Variants in ZFAND6 observed in about 807,000 individuals in gnomAD.
The protein encoded by ZFAND6 is AN1-type zinc finger protein 6.
Under a neutral mutation model 24.5 loss-of-function variants are expected in ZFAND6, and 12 were observed. That is an observed-to-expected ratio of 0.49 (90% CI 0.31 to 0.79). ZFAND6 has a LOEUF of 0.79. Ranked by LOEUF, ZFAND6 falls within the 30% of genes least tolerant of loss-of-function variation. ZFAND6 has a pLI of 0.04. For synonymous variants in ZFAND6, 92 were observed against 81.5 expected (o/e 1.13, Z -0.69); for missense variants, 207 against 245.9 (o/e 0.84, Z 1.06).
intron 6 of ZFAND6, among the ~76,000 whole-genome samples, chr15:80,134,853 GTC>G (rs1489495178): frequency 2.6e-5 from 4 of 152,210 alleles, no homozygotes; most frequent in African/African-American, 9.6e-5. Context: ...GACAGAAGGG[GTC>G]TGATTATTCA....
intron 1 of ZFAND6, among the ~76,000 whole-genome samples, chr15:80,065,555 T>C (rs2036584449): frequency 7.0e-6 from 1 of 142,768 alleles, no homozygotes; most frequent in Non-Finnish European, 1.5e-5. Context: ...TTTTTTTTTT[T>C]TTTTTTTGGA....
chr15:80,124,161 C>A (rs141041795), intron 5 of ZFAND6, among the ~76,000 whole-genome samples: 1 of 152,172 alleles, frequency 6.6e-6, no homozygotes, highest in African/African-American at 2.4e-5. Context: ...AGACTGGGCG[C>A]GGTGGCTCAC....
rs1464464717 is a variant in ZFAND6 at position 80,138,337 on chromosome 15, A to G, written c.*709A>G. ...GATCTGAAGTAATTGTGCTGTATTT[A>G]TGTTTATTCACCAGTCTTTGATTAA... On this transcript the variant is annotated 3_prime_UTR_variant, in exon 7 of 7. Coordinates refer to ENST00000261749, the MANE Select transcript of ZFAND6 (RefSeq NM_019006.4). 2 of 152,614 alleles carry G rather than the reference A, an allele frequency of 1.3e-5. No homozygotes were observed. The highest frequency in any genetic ancestry group is 4.8e-5 in the African/African-American group (2 of 41,450). 9.5% of individuals were successfully genotyped at this position (152,614 alleles called of 1,614,324 possible). A position where few individuals can be genotyped will look rare whatever the true frequency, so the allele number is the denominator to read the frequency against.
chr15:80,126,420 T>C (rs1010145866), intron 5 of ZFAND6, among the ~76,000 whole-genome samples: 6 of 152,216 alleles, frequency 3.9e-5, no homozygotes, highest in African/African-American at 1.2e-4. Context: ...GACTGTGTTG[T>C]ACCGGCATGA....
intron 1 of ZFAND6, among the ~76,000 whole-genome samples, chr15:80,072,041 A>C (rs542264336): frequency 6.6e-6 from 1 of 152,128 alleles, no homozygotes; most frequent in Non-Finnish European, 1.5e-5. Context: ...TTTTGCATTC[A>C]GTATTTTAGT....
At position 80,120,317 on chromosome 15, in the gene ZFAND6, G is replaced by A; in HGVS notation, c.-17-11G>A. 2 of 1,496,836 alleles carry A rather than the reference G, an allele frequency of 1.3e-6. No individual in the cohort carries two copies. The highest frequency in any genetic ancestry group is 1.8e-6 in the Non-Finnish European group (2 of 1,115,224). 92.7% of individuals were successfully genotyped at this position (1,496,836 alleles called of 1,614,324 possible). On this transcript the variant is annotated splice_polypyrimidine_tract_variant and intron_variant, in intron 2 of 6. Transcript: ENST00000261749. ...TGTCTGAGTTCTTTGCTAATTTTAT[G>A]TAATTTTCAGGTGTGCAACTGAGGA... is the stretch of plus-strand genomic sequence containing the variant.
At chr15:80,066,553 T>C (rs2036649268) in intron 1 of ZFAND6, among the ~76,000 whole-genome samples, 2 of 152,032 alleles carry the variant, frequency 1.3e-5, no homozygotes, top group Admixed American at 6.5e-5. Context: ...CCTCAGGTGA[T>C]CCACCCGCCT....
intron 2 of ZFAND6, among the ~76,000 whole-genome samples, chr15:80,107,750 C>T (rs778882261): frequency 6.6e-5 from 10 of 151,744 alleles, no homozygotes; most frequent in East Asian, 3.9e-4. Context: ...ACCTGGGAGG[C>T]GGAGGTTGCA....
chr15:80,068,396 G>T (rs1017068417), intron 1 of ZFAND6, among the ~76,000 whole-genome samples: 2 of 151,066 alleles, frequency 1.3e-5, no homozygotes, highest in African/African-American at 4.9e-5. Context: ...TTTTGAGATG[G>T]AGTCTCGCTC....
chr15:80,076,521 T>A (rs1357335), intron 1 of ZFAND6, among the ~76,000 whole-genome samples: 87,382 of 152,044 alleles, frequency 0.57, 26,592 homozygotes, highest in Non-Finnish European at 0.68. Context: ...TCTGTTTTTC[T>A]CTGCTTCATA....
At chr15:80,104,692 C>T (rs982563248) in intron 2 of ZFAND6, among the ~76,000 whole-genome samples, 32 of 152,156 alleles carry the variant, frequency 2.1e-4, no homozygotes, top group Admixed American at 2.0e-4. Flanking sequence ...TCTTGAGTCG[C>T]TGATTTTGTT....
chr15:80,081,820 T>C (rs1438180419), intron 1 of ZFAND6, among the ~76,000 whole-genome samples: 1 of 152,370 alleles, frequency 6.6e-6, no homozygotes, highest in East Asian at 1.9e-4. Flanking sequence ...TAATTTAGTT[T>C]AATGTCAGGA....
intron 1 of ZFAND6, among the ~76,000 whole-genome samples, chr15:80,068,464 C>T (rs1212372987): frequency 1.3e-5 from 2 of 150,930 alleles, no homozygotes; most frequent in South Asian, 2.1e-4. Context: ...CTCCAGCCCC[C>T]GGGTTCAAGT....
chr15:80,072,574 G>A (rs951937953), intron 1 of ZFAND6: 1 of 152,102 alleles, frequency 6.6e-6, no homozygotes, highest in Admixed American at 6.5e-5. Context: ...ATTCAGGTTT[G>A]GTTGCTTTGG....
chr15:80,136,354 A>G (rs2040862983), intron 6 of ZFAND6, among the ~76,000 whole-genome samples: 1 of 151,928 alleles, frequency 6.6e-6, no homozygotes, highest in Non-Finnish European at 1.5e-5. Flanking sequence ...AATCCCAGCT[A>G]CTCGGGAGAC....
At chr15:80,105,463 C>CCT (rs1362594791) in intron 2 of ZFAND6, among the ~76,000 whole-genome samples, 1 of 151,902 alleles carries the variant, frequency 6.6e-6, no homozygotes, top group African/African-American at 2.4e-5. Context: ...ACAGTTTGAA[C>CCT]CTCTCTCTCT....
Position 80,107,019 on chromosome 15 carries a change from C to A in ZFAND6, c.-18+8441C>A, listed in dbSNP as rs145722291. Among the ~76,000 whole-genome samples the A allele has an allele frequency of 0.02, 3,090 of 151,706 alleles. 223 individuals carry two copies. The East Asian group carries it at 0.22, about 11-fold the overall frequency. On this transcript the variant is annotated intron_variant, in intron 2 of 6. Coordinates refer to ENST00000261749, the MANE Select transcript of ZFAND6 (RefSeq NM_019006.4). ...CCTGAGGTCAGGAGTTCAAGACCAG[C>A]CTGATGAACATGGTGAAACCCCGTC...
chr15:80,079,422 G>A (rs992741029), intron 1 of ZFAND6, among the ~76,000 whole-genome samples: 17 of 151,446 alleles, frequency 1.1e-4, no homozygotes, highest in African/African-American at 4.1e-4. Context: ...GGGTTTCACC[G>A]TGTTAGCCAG....
intron 1 of ZFAND6, among the ~76,000 whole-genome samples, chr15:80,064,666 G>A (rs539449203): frequency 1.3e-5 from 2 of 151,750 alleles, no homozygotes; most frequent in African/African-American, 4.8e-5. Context: ...TTTGAGACAC[G>A]GTCTTGCTCT....
Sources: allele counts gnomAD v4.1 joint callset (sites outside exome capture counted in the v4.1 genomes callset), GRCh38; gene constraint gnomAD v4.1.1; transcripts MANE v1.5; gene names NCBI Gene and HGNC (gene_info 2026-07-23, HGNC 2026-07-21).